The following DENND4C variants were observed in gnomAD, a reference collection of about 807,000 sequenced individuals.
DENND4C encodes DENN domain containing 4C.
Under a neutral mutation model 203.0 loss-of-function variants are expected in DENND4C, and 108 were observed. That is an observed-to-expected ratio of 0.53 (90% confidence interval 0.46 to 0.62). The LOEUF (loss-of-function observed/expected upper bound fraction) is 0.62, where lower values mean the gene tolerates loss of function less well. Ranked by LOEUF, DENND4C falls within the 20% of genes least tolerant of loss-of-function variation. The pLI is 0.00. For synonymous variants in DENND4C, 871 were observed against 792.4 expected (o/e 1.10, Z -1.67); for missense variants, 2,481 against 2,301.2 (o/e 1.08, Z -1.60).
At chr9:19,355,465 A>G (rs1406800236) in intron 26 of DENND4C, among the ~76,000 whole-genome samples, 1 of 152,162 alleles carries the variant, frequency 6.6e-6, no homozygotes, top group Non-Finnish European at 1.5e-5. Flanking sequence ...CTTTTTATAT[A>G]TGATGGTAGA....
At position 19,372,988 on chromosome 9, in the gene DENND4C, A is replaced by G. The variant is rs913858643; in HGVS notation, c.*815A>G. The G allele has an allele frequency of 1.3e-5, 2 of 152,162 alleles. No homozygotes were observed. Among genetic ancestry groups the G allele is most frequent in the African/African-American group, 2.4e-5 (1 of 41,442 alleles). 9.4% of individuals were successfully genotyped at this position (152,162 alleles called of 1,614,324 possible). ...TTATTAAAATAGATTGCATGTTGCAATACGGTTTTCTGAAAGGGGTCTCAT... is the reference window on the plus strand; with the variant it reads ...TTATTAAAATAGATTGCATGTTGCAGTACGGTTTTCTGAAAGGGGTCTCAT... On this transcript the variant is annotated 3_prime_UTR_variant, in exon 33 of 33. Transcript: ENST00000434457.
At chr9:19,262,756 A>G (rs975885549) in intron 1 of DENND4C, among the ~76,000 whole-genome samples, 3 of 151,594 alleles carry the variant, frequency 2.0e-5, no homozygotes, top group East Asian at 3.9e-4. Context: ...TTTGGTAGAG[A>G]TGGGGTTTCA....
chr9:19,356,663 C>T (rs1825477461), intron 26 of DENND4C, among the ~76,000 whole-genome samples: 1 of 151,714 alleles, frequency 6.6e-6, no homozygotes, highest in African/African-American at 2.4e-5. Flanking sequence ...CCTCTTCCCT[C>T]ACAGTTTTCT....
chr9:19,295,954 G>C, intron 5 of DENND4C, 54 bp from the exon 6 acceptor site: 1 of 1,332,894 alleles, frequency 7.5e-7, no homozygotes, highest in African/African-American at 1.5e-5. Context: ...AAAAAGAGAA[G>C]TTAATTTTTT....
At chr9:19,308,743 G>T (rs1206801325) in intron 10 of DENND4C, among the ~76,000 whole-genome samples, 2 of 152,140 alleles carry the variant, frequency 1.3e-5, no homozygotes, top group Non-Finnish European at 2.9e-5. Context: ...TTGAGGCCAT[G>T]AAATACTATC....
At chr9:19,258,060 G>A (rs956701754) in intron 1 of DENND4C, among the ~76,000 whole-genome samples, 1 of 152,142 alleles carries the variant, frequency 6.6e-6, no homozygotes, top group Non-Finnish European at 1.5e-5. Flanking sequence ...TGAGACTGCA[G>A]TGAGCTGTCA....
chr9:19,232,258 G>A (rs528549308), intron 1 of DENND4C, among the ~76,000 whole-genome samples: 35 of 152,094 alleles, frequency 2.3e-4, no homozygotes, highest in African/African-American at 8.2e-4. Context: ...GGCTTGCTTT[G>A]ACTTGTTTTT....
chr9:19,250,891 C>G (rs1354633047), intron 1 of DENND4C, among the ~76,000 whole-genome samples: 1 of 152,228 alleles, frequency 6.6e-6, no homozygotes, highest in Non-Finnish European at 1.5e-5. Flanking sequence ...CCTAGCCTCC[C>G]TCCGGTGTGC....
At chr9:19,347,390 C>T (rs1210141867) in intron 23 of DENND4C, among the ~76,000 whole-genome samples, 1 of 152,180 alleles carries the variant, frequency 6.6e-6, no homozygotes, top group Non-Finnish European at 1.5e-5. Context: ...ATCAGCCTCC[C>T]AAAGTGCTGG....
intron 23 of DENND4C, among the ~76,000 whole-genome samples, chr9:19,349,297 A>G (rs576832584): frequency 1.6e-4 from 24 of 152,138 alleles, no homozygotes; most frequent in African/African-American, 5.8e-4. Flanking sequence ...AGTCTCAGCT[A>G]CTCCAGAAGG....
intron 1 of DENND4C, among the ~76,000 whole-genome samples, chr9:19,273,303 C>G (rs573859799): frequency 2.6e-5 from 4 of 152,018 alleles, no homozygotes; most frequent in Admixed American, 2.6e-4. Context: ...CCAGGCTGGT[C>G]TGGAACTCCT....
Position 19,342,766 on chromosome 9 carries a change from GA to G in DENND4C, c.3142del (p.Ser1048ValfsTer74). 1 of 1,603,928 alleles carries G rather than the reference GA, an allele frequency of 6.2e-7. No individual in the cohort carries two copies. Among genetic ancestry groups the G allele is most frequent in the Admixed American group, 1.7e-5 (1 of 58,320 alleles). ...PSGIFDVNSR[K>X]SSTGSISNVL... is the part of the protein sequence containing the mutation. ...CTGGTATATTTGATGTCAACAGCAG[GA>G]AAAGTAGCACTGGTGAGTCTTTACA... On this transcript the variant is annotated frameshift_variant, in exon 22 of 33. Coordinates refer to ENST00000434457, the MANE Select transcript of DENND4C (RefSeq NM_001330640.2). LOFTEE classifies it high-confidence loss of function.
At position 19,336,675 on chromosome 9, in the gene DENND4C, C is replaced by T. The variant is rs1243553731; in HGVS notation, c.2735-11C>T. On this transcript the variant is annotated splice_polypyrimidine_tract_variant and intron_variant, in intron 19 of 32. Coordinates refer to ENST00000434457, the MANE Select transcript of DENND4C (RefSeq NM_001330640.2). ...CATGAGTTATTGAACTGCTATTGTC[C>T]TTATCTTTAGCTCTTCAAAATGTCA... The T allele has an allele frequency of 2.6e-6, 4 of 1,549,406 alleles. No homozygotes were observed. Among genetic ancestry groups the T allele is most frequent in the Middle Eastern group, 1.7e-4 (1 of 6,004 alleles).
At chr9:19,333,712 C>T (rs1271862302) in intron 17 of DENND4C, among the ~76,000 whole-genome samples, 2 of 152,146 alleles carry the variant, frequency 1.3e-5, no homozygotes, top group Non-Finnish European at 2.9e-5. Flanking sequence ...TAGAAACCAT[C>T]CTAAGAAGTA....
intron 19 of DENND4C, 48 bp downstream of exon 19, chr9:19,336,462 T>C: frequency 1.3e-6 from 2 of 1,560,332 alleles, no homozygotes; most frequent in Non-Finnish European, 1.7e-6. Context: ...CCATGAGCTT[T>C]ATAGGCATAT....
chr9:19,286,961 T>C lies in DENND4C; in HGVS notation c.498T>C (p.Ser166=). Residue 166 remains serine (S), a synonymous_variant, in exon 3 of 33, where the codon AGT becomes AGC. Coordinates refer to ENST00000434457, the MANE Select transcript of DENND4C (RefSeq NM_001330640.2). Reference sequence around the variant, plus strand: ...CTGATATCTGTGTTATTGTAACCAGTAAAGGAGAAACTCCTCCTCATACCT... The same window carrying C: ...CTGATATCTGTGTTATTGTAACCAGCAAAGGAGAAACTCCTCCTCATACCT... ...AVTDICVIVT[S]KGETPPHTFC... 1 of 1,232,062 alleles carries C rather than the reference T, an allele frequency of 8.1e-7. No individual in the cohort carries two copies. Among genetic ancestry groups the C allele is most frequent in the Non-Finnish European group, 1.0e-6 (1 of 987,918 alleles). The allele number at this position is 1,232,062 out of a possible 1,614,324, so 76.3% of individuals were successfully genotyped here.
chr9:19,243,887 C>T (rs901931842), intron 1 of DENND4C, among the ~76,000 whole-genome samples: 2 of 152,208 alleles, frequency 1.3e-5, no homozygotes, highest in African/African-American at 2.4e-5. Context: ...TCGTCGCTCA[C>T]TGCAGCCTCG....
intron 20 of DENND4C, among the ~76,000 whole-genome samples, chr9:19,338,938 C>G (rs916195989): frequency 6.6e-6 from 1 of 152,076 alleles, no homozygotes; most frequent in Non-Finnish European, 1.5e-5. Context: ...ACTGTTTTCT[C>G]TAGTACCTGA....
chr9:19,241,130 A>G (rs1010807322), intron 1 of DENND4C, among the ~76,000 whole-genome samples: 3 of 152,194 alleles, frequency 2.0e-5, no homozygotes, highest in African/African-American at 7.2e-5. Context: ...ATGAATGTGA[A>G]GGCCTAGGAT....
Sources: gnomAD v4.1 joint callset for allele counts (sites outside exome capture counted in the v4.1 genomes callset) on GRCh38, gnomAD v4.1.1 for gene constraint, MANE v1.5 for transcripts, NCBI Gene and HGNC (gene_info 2026-07-23, HGNC 2026-07-21) for gene names.